CETP: variants seen among roughly 807,000 people sequenced by gnomAD.
CETP encodes cholesteryl ester transfer protein, also known as BPI fold containing family F.
A neutral mutation model predicts 66.5 loss-of-function variants in CETP; 56 were observed. That is an observed-to-expected ratio of 0.84 (90% CI 0.68 to 1.05). The LOEUF (loss-of-function observed/expected upper bound fraction) is 1.05, where lower values mean the gene tolerates loss of function less well. Among genes scored for constraint, CETP ranks in the 50% least tolerant of loss-of-function variants. The pLI, the probability that CETP is intolerant of heterozygous loss-of-function variation, is 0.00. For missense variants in CETP, 612 were observed against 609.6 expected, an observed-to-expected ratio of 1.00 and a Z score of -0.04; for synonymous variants, 251 against 245.7, an observed-to-expected ratio of 1.02 and a Z score of -0.20.
intron 13 of CETP, 148 bp from the exon 14 acceptor site, chr16:56,982,017 C>T (rs1263618471): frequency 1.3e-6 from 1 of 781,214 alleles, no homozygotes; most frequent in Non-Finnish European, 2.2e-6. Context: ...AGGAAGGGCA[C>T]CGTCTGGGGC....
chr16:56,963,753 T>C (rs1262015312), intron 2 of CETP, among the ~76,000 whole-genome samples: 8 of 152,090 alleles, frequency 5.3e-5, no homozygotes, highest in African/African-American at 1.7e-4. Flanking sequence ...CGTTGCAACC[T>C]CCGTCTCTGG....
intron 10 of CETP, 49 bp downstream of exon 10, chr16:56,975,200 C>T: frequency 6.4e-7 from 1 of 1,557,104 alleles, no homozygotes; most frequent in African/African-American, 1.4e-5. Flanking sequence ...TACCCCAATC[C>T]TGCTCTGGCT....
chr16:56,973,897 TAGCAGGTACGTGACTGGGGGCTGCATGC>T (rs2056131611), intron 9 of CETP, among the ~76,000 whole-genome samples: 1 of 152,170 alleles, frequency 6.6e-6, no homozygotes, highest in African/African-American at 2.4e-5. Flanking sequence ...ATTGAGCAAG[TAGCAGGTACGTGACTGGGGGCTGCATGC>T]ACCGGTAATC....
At chr16:56,975,037 G>C in intron 9 of CETP, 64 bp from the exon 10 acceptor site, 1 of 1,493,974 alleles carries the variant, frequency 6.7e-7, no homozygotes. Flanking sequence ...TGGTCCCTGC[G>C]AAGTTTTCTT....
At chr16:56,983,542 C>G (rs770798659) in intron 15 of CETP, 50 bp from the exon 16 acceptor site, 5 of 1,604,052 alleles carry the variant, frequency 3.1e-6, no homozygotes, top group Non-Finnish European at 4.3e-6. Flanking sequence ...CTCCTGGTGG[C>G]CTGGGAGTCA....
At chr16:56,971,236 G>T in intron 6 of CETP, 85 bp from the exon 7 acceptor site, 1 of 1,543,480 alleles carries the variant, frequency 6.5e-7, no homozygotes. Context: ...CCGGTCCCCA[G>T]CACTGCCACC....
Position 56,972,159 on chromosome 16 carries a change from C to T in CETP, c.750+76C>T, listed in dbSNP as rs144058559. On this transcript the variant is annotated intron_variant, in intron 8 of 15. Transcript: ENST00000200676. ...GTCCTTTTTTGTGCTCTGACAACCC[C>T]GTCCCCCAGCTTCAACCTTATGGCA... 2.1e-4 allele frequency: 228 copies of T among 1,102,436 alleles called. No homozygotes were observed. In the Middle Eastern group the frequency reaches 2.2e-3, roughly 11 times the overall value. 68.3% of individuals were successfully genotyped at this position (1,102,436 alleles called of 1,614,324 possible).
Position 56,969,496 on chromosome 16 carries a change from A to T in CETP, c.344A>T (p.Lys115Met). ...TCTGTGGTCTTCAAGGGGACCCTGAAGTATGGCTACACCACTGCCTGGTGG... is the reference window on the plus strand; with the variant it reads ...TCTGTGGTCTTCAAGGGGACCCTGATGTATGGCTACACCACTGCCTGGTGG... ...NVSVVFKGTL[K>M]YGYTTAWWLG... Residue 115 changes from lysine (K) to methionine (M), a missense_variant, in exon 3 of 16, where the codon AAG (lysine) becomes ATG (methionine). Lys to Met is a moderately conservative substitution (Grantham distance 95). Transcript: ENST00000200676. 6.2e-7 allele frequency: 1 copy of T among 1,614,206 alleles called. No individual in the cohort carries two copies. The highest frequency in any genetic ancestry group is 1.1e-5 in the South Asian group (1 of 91,086).
Position 56,974,165 on chromosome 16 carries a change from A to AGT in CETP, c.930+655_930+656insGT, listed in dbSNP as rs1195230624. 6.6e-5 allele frequency among the ~76,000 whole-genome samples: 10 copies of AGT among 152,148 alleles called. No individual in the cohort carries two copies. The South Asian group carries it at 2.1e-3, about 32-fold the overall frequency. On this transcript the variant is annotated intron_variant, in intron 9 of 15. Transcript: ENST00000200676. Reference sequence around the variant, plus strand: ...CTCTTTCTTTTTCTGAGTATAAAACAATATAAAACAATATGAGAGGGTCTG... The same window carrying AGT: ...CTCTTTCTTTTTCTGAGTATAAAACAGTATATAAAACAATATGAGAGGGTCTG...
At chr16:56,962,943 A>G in intron 1 of CETP, 67 bp from the exon 2 acceptor site, 1 of 1,403,318 alleles carries the variant, frequency 7.1e-7, no homozygotes, top group South Asian at 1.2e-5. Flanking sequence ...GGCCAAGGCC[A>G]GTTGGGGGTG....
rs2056119004 is a variant in CETP, at chr16:56,972,428, ATTAC to A, written c.750+349_750+352del. 4.6e-5 allele frequency among the ~76,000 whole-genome samples: 7 copies of A among 152,348 alleles called. No homozygotes were observed. In the South Asian group the frequency reaches 1.4e-3, roughly 32 times the overall value. On this transcript the variant is annotated intron_variant, in intron 8 of 15. Coordinates refer to ENST00000200676, the MANE Select transcript of CETP (RefSeq NM_000078.3). Reference sequence around the variant, plus strand: ...TACTGACAAAAGCTTTGGACCCTCTATTACTTAGGATATAGATTTCTGTAACAAA... The same window carrying A: ...TACTGACAAAAGCTTTGGACCCTCTATTAGGATATAGATTTCTGTAACAAA...
intron 8 of CETP, among the ~76,000 whole-genome samples, 183 bp downstream of exon 8, chr16:56,972,266 C>T (rs929594580): frequency 2.6e-5 from 4 of 152,186 alleles, no homozygotes; most frequent in Admixed American, 2.0e-4. Flanking sequence ...GCCACAGCGA[C>T]GTGCCCCTGA....
rs528112720 is a variant in CETP at position 56,980,662 on chromosome 16, G to A, written c.1147-496G>A. ...TATTCGGCCGGGCACGGTGGCTCAC[G>A]CCTGTAATCCCAGCACTTTGAGAGG... On this transcript the variant is annotated intron_variant, in intron 11 of 15. Transcript: ENST00000200676. Among the ~76,000 whole-genome samples, 56 of 152,248 alleles carry A rather than the reference G, an allele frequency of 3.7e-4. 1 individual carries two copies. The Middle Eastern group carries it at 0.027, about 74-fold the overall frequency.
intron 7 of CETP, among the ~76,000 whole-genome samples, chr16:56,971,745 G>T (rs2056112011): frequency 6.6e-6 from 1 of 152,136 alleles, no homozygotes; most frequent in Non-Finnish European, 1.5e-5. Flanking sequence ...AGCAGAGCTG[G>T]GTTTCAGCCC....
chr16:56,971,402 A>T (rs370088702), intron 7 of CETP, 21 bp downstream of exon 7: 70 of 1,610,460 alleles, frequency 4.3e-5, no homozygotes, highest in Middle Eastern at 3.3e-4. Context: ...TTCTGTCTGC[A>T]TGCCTCAGAA....
At position 56,969,644 on chromosome 16, in the gene CETP, C is replaced by T. The variant is rs143400682; in HGVS notation, c.402C>T (p.Ile134=). The change falls in exon 4 of 16, where the codon ATC becomes ATT. Residue 134 remains isoleucine, a synonymous_variant. Coordinates refer to ENST00000200676, the MANE Select transcript of CETP (RefSeq NM_000078.3). Reference sequence around the variant, plus strand: ...TTGATCAGTCCATTGACTTCGAGATCGACTCTGCCATTGACCTCCAGATCA... The same window carrying T: ...TTGATCAGTCCATTGACTTCGAGATTGACTCTGCCATTGACCTCCAGATCA... ...LGIDQSIDFE[I]DSAIDLQINT... 8.1e-6 allele frequency: 13 copies of T among 1,613,838 alleles called. No individual in the cohort carries two copies. Among genetic ancestry groups the T allele is most frequent in the African/African-American group, 6.7e-5 (5 of 74,834 alleles).
At chr16:56,970,950 A>G in intron 5 of CETP, 83 bp from the exon 6 acceptor site, 1 of 1,298,412 alleles carries the variant, frequency 7.7e-7, no homozygotes, top group Non-Finnish European at 1.1e-6. Flanking sequence ...CAACAGAGCC[A>G]TGAACGGTGC....
intron 14 of CETP, 138 bp from the exon 15 acceptor site, chr16:56,983,188 C>T: frequency 1.3e-6 from 1 of 742,216 alleles, no homozygotes; most frequent in Non-Finnish European, 2.4e-6. Context: ...GCTCACTCTG[C>T]TAAATCAAAG....
At chr16:56,969,301 C>T in intron 2 of CETP, 85 bp from the exon 3 acceptor site, 1 of 1,574,958 alleles carries the variant, frequency 6.3e-7, no homozygotes, top group Non-Finnish European at 8.7e-7. Context: ...CTATCTTCCA[C>T]CCTCGCCTAG....
Sources: allele counts gnomAD v4.1 joint callset (sites outside exome capture counted in the v4.1 genomes callset), GRCh38; gene constraint gnomAD v4.1.1; transcripts MANE v1.5; gene names NCBI Gene and HGNC (gene_info 2026-07-23, HGNC 2026-07-21).